BICD1: variants seen among roughly 807,000 people sequenced by gnomAD.
BICD1 encodes protein bicaudal D homolog 1.
In BICD1, 35 loss-of-function variants were observed where a neutral mutation model predicts 92.5. The ratio of observed to expected loss-of-function variants is 0.38; its 90% CI spans 0.29 to 0.50. The LOEUF (loss-of-function observed/expected upper bound fraction) is 0.50, where lower values mean the gene tolerates loss of function less well. Among genes scored for constraint, BICD1 ranks in the 20% least tolerant of loss-of-function variants. The pLI, the probability that BICD1 is intolerant of heterozygous loss-of-function variation, is 0.93. For missense variants in BICD1, 950 were observed against 1,189.8 expected (o/e 0.80, Z 2.97); for synonymous variants, 429 against 465.1 (o/e 0.92, Z 1.00).
chr12:32,134,155 A>G (rs2121319651), intron 1 of BICD1, among the ~76,000 whole-genome samples: 2 of 152,340 alleles, frequency 1.3e-5, no homozygotes, highest in East Asian at 3.9e-4. Context: ...GATTAGGAAC[A>G]TGGAGACTGG....
At chr12:32,307,495 TAGA>T in intron 4 of BICD1, among the ~76,000 whole-genome samples, 1 of 133,818 alleles carries the variant, frequency 7.5e-6, no homozygotes, top group African/African-American at 2.8e-5. Flanking sequence ...TCTACTGAAC[TAGA>T]AACTGAACTA....
rs977065398 is a variant in BICD1, at chr12:32,377,636, T to G, written c.*9T>G. Reference sequence around the variant, plus strand: ...AGCCTCCTCACCCCTAGTCTTCATCTCCTGTGGACGAACATCTGGGGTGGA... The same window carrying G: ...AGCCTCCTCACCCCTAGTCTTCATCGCCTGTGGACGAACATCTGGGGTGGA... On this transcript the variant is annotated 3_prime_UTR_variant, in exon 10 of 10. Coordinates refer to ENST00000652176, the MANE Select transcript of BICD1 (RefSeq NM_001714.4). The G allele has an allele frequency of 6.2e-7, 1 of 1,606,868 alleles. No individual in the cohort carries two copies. The highest frequency in any genetic ancestry group is 8.5e-7 in the Non-Finnish European group (1 of 1,173,474).
intron 2 of BICD1, among the ~76,000 whole-genome samples, chr12:32,229,954 G>T (rs1945824872): frequency 6.6e-6 from 1 of 152,158 alleles, no homozygotes; most frequent in African/African-American, 2.4e-5. Context: ...AAAATGGAGG[G>T]ATTGCCCTTA....
At chr12:32,126,048 C>CA (rs61406736) in intron 1 of BICD1, among the ~76,000 whole-genome samples, 1,571 of 50,992 alleles carry the variant, frequency 0.031, 50 homozygotes, top group African/African-American at 0.082. Flanking sequence ...GACTCCATCT[C>CA]AAAAAAAAAA....
intron 1 of BICD1, among the ~76,000 whole-genome samples, chr12:32,215,402 T>G (rs1367621568): frequency 1.3e-5 from 2 of 152,220 alleles, no homozygotes; most frequent in African/African-American, 4.8e-5. Context: ...CATATATGTT[T>G]TCTTATACAG....
chr12:32,163,759 C>T (rs1288049520), intron 1 of BICD1, among the ~76,000 whole-genome samples: 1 of 152,118 alleles, frequency 6.6e-6, no homozygotes, highest in African/African-American at 2.4e-5. Flanking sequence ...TATTTCCTGC[C>T]TTCCTGTTTT....
intron 1 of BICD1, among the ~76,000 whole-genome samples, chr12:32,194,923 A>G (rs990139666): frequency 6.6e-6 from 1 of 151,740 alleles, no homozygotes; most frequent in African/African-American, 2.4e-5. Context: ...ATAAAATAAA[A>G]TACCTAGGAA....
intron 1 of BICD1, among the ~76,000 whole-genome samples, chr12:32,187,398 G>A (rs1363541673): frequency 6.6e-6 from 1 of 152,194 alleles, no homozygotes; most frequent in Non-Finnish European, 1.5e-5. Flanking sequence ...TATGGGCTGG[G>A]CGCGGTGGCT....
intron 1 of BICD1, among the ~76,000 whole-genome samples, chr12:32,156,834 T>C (rs1400206315): frequency 6.6e-6 from 1 of 152,256 alleles, no homozygotes; most frequent in African/African-American, 2.4e-5. Context: ...TTTTATGTTC[T>C]TCATATATTA....
intron 1 of BICD1, among the ~76,000 whole-genome samples, chr12:32,181,962 A>C (rs1054019401): frequency 6.6e-6 from 1 of 152,014 alleles, no homozygotes; most frequent in African/African-American, 2.4e-5. Context: ...GAATTGTGAT[A>C]GTAATTGCTC....
At chr12:32,246,762 A>G (rs1344013665) in intron 2 of BICD1, among the ~76,000 whole-genome samples, 1 of 152,066 alleles carries the variant, frequency 6.6e-6, no homozygotes, top group East Asian at 1.9e-4. Context: ...TTTGCCAGAG[A>G]CTGCTGTAGG....
intron 2 of BICD1, among the ~76,000 whole-genome samples, chr12:32,281,031 A>G (rs1003997877): frequency 3.9e-5 from 6 of 151,996 alleles, no homozygotes; most frequent in Non-Finnish European, 5.9e-5. Flanking sequence ...AAAAACAAGT[A>G]TGTAACTTTA....
chr12:32,184,890 T>C (rs1251271422), intron 1 of BICD1, among the ~76,000 whole-genome samples: 1 of 152,212 alleles, frequency 6.6e-6, no homozygotes, highest in African/African-American at 2.4e-5. Context: ...CAGAACCAAT[T>C]TTGTGGTTTT....
Position 32,357,161 on chromosome 12 carries a change from G to A in BICD1, c.2765-10509G>A, listed in dbSNP as rs1387731783. On this transcript the variant is annotated intron_variant, in intron 8 of 9. Coordinates refer to ENST00000652176, the MANE Select transcript of BICD1 (RefSeq NM_001714.4). ...TGAGTAGCTGGGATTACAGGCGCACGCCACCACGCCCGGATAATTTTTTGT... is the reference window on the plus strand; with the variant it reads ...TGAGTAGCTGGGATTACAGGCGCACACCACCACGCCCGGATAATTTTTTGT... Among the ~76,000 whole-genome samples the A allele has an allele frequency of 4.6e-5, 7 of 151,926 alleles. No homozygotes were observed. The East Asian group carries it at 5.8e-4, about 13-fold the overall frequency.
At chr12:32,306,261 C>A in intron 4 of BICD1, 139 bp downstream of exon 4, 1 of 1,020,190 alleles carries the variant, frequency 9.8e-7, no homozygotes, top group Non-Finnish European at 1.4e-6. Flanking sequence ...CTGTTCTTTT[C>A]GAGACAGAGT....
Position 32,377,697 on chromosome 12 carries a change from C to A in BICD1, c.*70C>A. The A allele has an allele frequency of 1.5e-6, 2 of 1,353,824 alleles. No homozygotes were observed. Among genetic ancestry groups the A allele is most frequent in the Non-Finnish European group, 2.1e-6 (2 of 945,020 alleles). 83.9% of individuals were successfully genotyped at this position (1,353,824 alleles called of 1,614,324 possible). A position where few individuals can be genotyped will look rare whatever the true frequency, so the allele number is the denominator to read the frequency against. ...CCACACACAGGATACTGCCCAAGAT[C>A]CAGCGGGTGTTTTCTTCTCGGTTGT... On this transcript the variant is annotated 3_prime_UTR_variant, in exon 10 of 10. Coordinates refer to ENST00000652176, the MANE Select transcript of BICD1 (RefSeq NM_001714.4).
At chr12:32,327,260 A>G (rs1948802291) in intron 4 of BICD1, among the ~76,000 whole-genome samples, 2 of 152,206 alleles carry the variant, frequency 1.3e-5, no homozygotes, top group South Asian at 4.1e-4. Flanking sequence ...TACTTGCAGT[A>G]TAATTCTTTT....
At chr12:32,254,831 CCTT>C (rs2136113633) in intron 2 of BICD1, among the ~76,000 whole-genome samples, 1 of 152,300 alleles carries the variant, frequency 6.6e-6, no homozygotes, top group East Asian at 1.9e-4. Flanking sequence ...TTACTATTCT[CCTT>C]GTTTAATTAG....
intron 1 of BICD1, among the ~76,000 whole-genome samples, chr12:32,117,547 C>T (rs1227571040): frequency 1.3e-5 from 2 of 151,740 alleles, no homozygotes; most frequent in Non-Finnish European, 2.9e-5. Context: ...ATTTGGAGAG[C>T]TTTCAGTGAA....
Sources: gnomAD v4.1 joint callset for allele counts (sites outside exome capture counted in the v4.1 genomes callset) on GRCh38, gnomAD v4.1.1 for gene constraint, MANE v1.5 for transcripts, NCBI Gene and HGNC (gene_info 2026-07-23, HGNC 2026-07-21) for gene names.